RANBP2: variants seen among roughly 807,000 people sequenced by gnomAD.
RANBP2 encodes RAN binding protein 2.
RANBP2 carries 57 observed loss-of-function variants against 303.6 expected under a neutral mutation model. That is an observed-to-expected ratio of 0.19 (90% CI 0.15 to 0.23). The LOEUF (loss-of-function observed/expected upper bound fraction) is 0.23. Among genes scored for constraint, RANBP2 ranks in the 10% least tolerant of loss-of-function variants. The probability of loss-of-function intolerance (pLI) is 1.00; values close to 1 mark genes in which losing one functional copy is unlikely to be tolerated. For missense variants in RANBP2, 3,138 were observed against 3,780.8 expected, an observed-to-expected ratio of 0.83 and a Z score of 4.46; for synonymous variants, 1,167 against 1,301.5, an observed-to-expected ratio of 0.90 and a Z score of 2.23.
the RANBP2 span, among the ~76,000 whole-genome samples, chr2:109,461,146 A>T: frequency 6.6e-6 from 1 of 152,162 alleles, no homozygotes; most frequent in East Asian, 1.9e-4. Context: ...CTCTAACCCG[A>T]TCATGTGTCC....
the RANBP2 span, among the ~76,000 whole-genome samples, chr2:109,111,976 G>C: frequency 1.3e-5 from 2 of 151,972 alleles, no homozygotes; most frequent in Non-Finnish European, 2.9e-5. Flanking sequence ...CATCTTTTAT[G>C]GCTGCATAGT....
chr2:109,761,458 GTATCCCTT>G, the RANBP2 span, among the ~76,000 whole-genome samples: 1 of 148,962 alleles, frequency 6.7e-6, no homozygotes, highest in Non-Finnish European at 1.5e-5. Context: ...GGCGCCCCAG[GTATCCCTT>G]TGTGCCACGC....
chr2:109,034,586 TTCAGCTCCTTTTACAC>T, the RANBP2 span, among the ~76,000 whole-genome samples: 1 of 152,184 alleles, frequency 6.6e-6, no homozygotes, highest in Admixed American at 6.5e-5. Flanking sequence ...TGTAAGCAAA[TTCAGCTCCTTTTACAC>T]CTGGCTCAGG....
At chr2:109,613,538 G>A in the RANBP2 span, 3 of 245,236 alleles carry the variant, frequency 1.2e-5, no homozygotes, top group Non-Finnish European at 2.3e-5. Flanking sequence ...CCGGGAAGTC[G>A]TTCAAGAACT....
At chr2:109,544,256 T>A in the RANBP2 span, 1 of 1,613,124 alleles carries the variant, frequency 6.2e-7, no homozygotes, top group Non-Finnish European at 8.5e-7. Context: ...TCTAGTTTTT[T>A]TTTAATAAAG....
the RANBP2 span, among the ~76,000 whole-genome samples, chr2:109,432,288 C>T: frequency 7.2e-5 from 11 of 152,294 alleles, no homozygotes; most frequent in African/African-American, 2.6e-4. Context: ...CCCCTGCAGG[C>T]AGCTCCCCGA....
chr2:108,725,118 A>G (rs1482496679), intron 1 of RANBP2, among the ~76,000 whole-genome samples: 1 of 152,130 alleles, frequency 6.6e-6, no homozygotes, highest in Admixed American at 6.6e-5. Context: ...GCCCTGCATC[A>G]GTTCTTGATA....
the RANBP2 span, among the ~76,000 whole-genome samples, chr2:109,519,758 G>A: frequency 9.2e-5 from 14 of 152,330 alleles, no homozygotes; most frequent in African/African-American, 3.4e-4. Flanking sequence ...TTTTGTCAAG[G>A]GCATGTGAGG....
At position 108,755,331 on chromosome 2, in the gene RANBP2, T is replaced by C. The variant is rs973824464; in HGVS notation, c.2466+72T>C. On this transcript the variant is annotated intron_variant, in intron 17 of 28. Coordinates refer to ENST00000283195, the MANE Select transcript of RANBP2 (RefSeq NM_006267.5). ...TTCCCTGGCCACTCTCTCACTTTTTTTCTGAAGCTGGTCAGAATGTCCCCT... is the reference window on the plus strand; with the variant it reads ...TTCCCTGGCCACTCTCTCACTTTTTCTCTGAAGCTGGTCAGAATGTCCCCT... 5 of 1,607,150 alleles carry C rather than the reference T, an allele frequency of 3.1e-6. No individual in the cohort carries two copies. The African/African-American group carries it at 6.7e-5, about 22-fold the overall frequency.
intron 17 of RANBP2, 109 bp from the exon 18 acceptor site, chr2:108,758,296 CAAAAAAAA>C (rs145601802): frequency 9.8e-7 from 1 of 1,023,746 alleles, no homozygotes; most frequent in Non-Finnish European, 1.3e-6. Flanking sequence ...GACACCATCT[CAAAAAAAA>C]AAAAAAAAAT....
chr2:108,781,524 T>G, intron 26 of RANBP2, 95 bp downstream of exon 26: 1 of 1,189,042 alleles, frequency 8.4e-7, no homozygotes, highest in East Asian at 2.5e-5. Flanking sequence ...TGTTTGCATT[T>G]AAGAATGTTT....
the RANBP2 span, among the ~76,000 whole-genome samples, chr2:108,871,739 AAATAC>A: frequency 4.6e-5 from 7 of 152,288 alleles, no homozygotes; most frequent in African/African-American, 1.7e-4. Context: ...CTGAAAGATG[AAATAC>A]ATACTGCTAA....
chr2:109,179,527 T>G, the RANBP2 span, among the ~76,000 whole-genome samples: 10 of 152,246 alleles, frequency 6.6e-5, no homozygotes, highest in South Asian at 2.1e-3. Flanking sequence ...AGAAAACAGG[T>G]TTCATGAGCT....
the RANBP2 span, among the ~76,000 whole-genome samples, chr2:109,342,759 G>T: frequency 6.6e-6 from 1 of 152,144 alleles, no homozygotes; most frequent in South Asian, 2.1e-4. Flanking sequence ...CGGAGATGGC[G>T]CCGTTGTGCC....
chr2:108,812,874 C>G, the RANBP2 span: 2 of 1,613,346 alleles, frequency 1.2e-6, no homozygotes, highest in Non-Finnish European at 1.7e-6. Flanking sequence ...CCATGCTGTT[C>G]ATGAAATGAA....
At chr2:109,499,754 C>A in the RANBP2 span, among the ~76,000 whole-genome samples, 2 of 152,166 alleles carry the variant, frequency 1.3e-5, no homozygotes, top group Non-Finnish European at 2.9e-5. Context: ...GATAGCAGAG[C>A]AGGGGGGTGT....
the RANBP2 span, chr2:109,251,406 G>A: frequency 5.8e-6 from 4 of 693,068 alleles, no homozygotes; most frequent in Non-Finnish European, 5.5e-6. Flanking sequence ...ATCTGTGAGT[G>A]CATGGAGTAG....
At chr2:108,748,817 C>G in intron 8 of RANBP2, 103 bp from the exon 9 acceptor site, 1 of 1,606,104 alleles carries the variant, frequency 6.2e-7, no homozygotes, top group Non-Finnish European at 8.5e-7. Context: ...GTTAGGTATG[C>G]AGTAATCATG....
chr2:109,585,179 T>C, the RANBP2 span: 4 of 1,610,508 alleles, frequency 2.5e-6, no homozygotes, highest in Non-Finnish European at 3.4e-6. Flanking sequence ...CAATGGTCAA[T>C]TTCAATTGAA....
Sources: allele counts gnomAD v4.1 joint callset (sites outside exome capture counted in the v4.1 genomes callset), GRCh38; gene constraint gnomAD v4.1.1; transcripts MANE v1.5; gene names NCBI Gene and HGNC (gene_info 2026-07-23, HGNC 2026-07-21).